The following PPFIA4 variants were observed in gnomAD, a reference collection of about 807,000 sequenced individuals.
PPFIA4 encodes the protein PPFI scaffold protein A4.
Under a neutral mutation model 145.7 loss-of-function variants are expected in PPFIA4, and 98 were observed. The observed-to-expected ratio is 0.67, with a 90% CI of 0.57 to 0.80. The LOEUF (loss-of-function observed/expected upper bound fraction) is 0.80. PPFIA4 is among the 30% of genes least tolerant of loss of function. PPFIA4 has a pLI of 0.00. For synonymous variants in PPFIA4, 628 were observed against 649.6 expected (o/e 0.97, Z 0.51); for missense variants, 1,457 against 1,632.7 (o/e 0.89, Z 1.85).
intron 15 of PPFIA4, 21 bp downstream of exon 15, chr1:203,053,982 C>G (rs1240369591): frequency 3.3e-5 from 51 of 1,553,588 alleles, no homozygotes; most frequent in Non-Finnish European, 4.3e-5. Context: ...GGCTGGAGGG[C>G]TTGGGAAGTG....
At chr1:203,031,891 A>G (rs1019579701) in intron 1 of PPFIA4, among the ~76,000 whole-genome samples, 7 of 152,160 alleles carry the variant, frequency 4.6e-5, no homozygotes, top group Admixed American at 6.5e-5. Context: ...CTGTGTCTGT[A>G]TTCGGTGGTG....
rs1223671646 is a variant in PPFIA4, at chr1:203,044,761, G to T, written c.642G>T (p.Glu214Asp). 6.4e-7 allele frequency: 1 copy of T among 1,565,624 alleles called. No homozygotes were observed. Among genetic ancestry groups the T allele is most frequent in the South Asian group, 1.2e-5 (1 of 85,074 alleles). Residue 214 changes from glutamate to aspartate, a missense_variant, in exon 6 of 30, where the codon GAG (glutamate) becomes GAT (aspartate). Glu to Asp is a conservative substitution (Grantham distance 45). This residue lies in a region of PPFIA4 where 463 missense variants were observed against 459.8 expected (regional missense o/e 1.01). Coordinates refer to ENST00000295706, the MANE Select transcript of PPFIA4 (RefSeq NM_001304331.2). ...DGAAEEEGTV[E>D]LGPKRLWKED... ...CGGCAGAAGAGGAGGGGACTGTGGA[G>T]CTGGGGCCGAAACGCCTGTGGAAGG...
rs1662655922 is a variant in PPFIA4 at position 203,078,053 on chromosome 1, C to T, written c.*1663C>T. 6.6e-6 allele frequency: 1 copy of T among 152,236 alleles called. No homozygotes were observed. The highest frequency in any genetic ancestry group is 1.5e-5 in the Non-Finnish European group (1 of 68,072). The allele number at this position is 152,236 out of a possible 1,614,324, so 9.4% of individuals were successfully genotyped here. A position where few individuals can be genotyped will look rare whatever the true frequency, so the allele number is the denominator to read the frequency against. ...CCTGGGCAGTGCCAGGGCTTAAAGCCCGCTGCTCCTTTTCGGTAGAGGAGA... is the reference window on the plus strand; with the variant it reads ...CCTGGGCAGTGCCAGGGCTTAAAGCTCGCTGCTCCTTTTCGGTAGAGGAGA... On this transcript the variant is annotated 3_prime_UTR_variant, in exon 30 of 30. Coordinates refer to ENST00000295706, the MANE Select transcript of PPFIA4 (RefSeq NM_001304331.2).
intron 28 of PPFIA4, among the ~76,000 whole-genome samples, chr1:203,073,991 C>T (rs1662347427): frequency 6.6e-6 from 1 of 152,052 alleles, no homozygotes; most frequent in Non-Finnish European, 1.5e-5. Context: ...AGGCACTGCT[C>T]AGAGGTTGGT....
intron 8 of PPFIA4, 36 bp from the exon 9 acceptor site, chr1:203,046,212 C>G: frequency 6.4e-7 from 1 of 1,564,928 alleles, no homozygotes; most frequent in Non-Finnish European, 8.7e-7. Context: ...CTTCAGTGCT[C>G]CCTTTTGAAT....
At chr1:203,030,620 C>G (rs1658752576) in intron 1 of PPFIA4, among the ~76,000 whole-genome samples, 1 of 152,208 alleles carries the variant, frequency 6.6e-6, no homozygotes, top group South Asian at 2.1e-4. Context: ...GGCAGAGCCC[C>G]TGGAGTAAGT....
chr1:203,074,957 C>T (rs1662416586), intron 28 of PPFIA4, among the ~76,000 whole-genome samples: 1 of 152,076 alleles, frequency 6.6e-6, no homozygotes. Context: ...CTCATCTGAT[C>T]CCATTAGTGG....
chr1:203,031,097 G>C (rs552903372), intron 1 of PPFIA4, among the ~76,000 whole-genome samples: 3 of 151,744 alleles, frequency 2.0e-5, no homozygotes, highest in Non-Finnish European at 4.4e-5. Flanking sequence ...TCTCCCTATT[G>C]CCCAGGCTGG....
Position 203,049,761 on chromosome 1 carries a change from A to C in PPFIA4, c.1505A>C (p.His502Pro), listed in dbSNP as rs1571694985. ...GGGGGGCCGTTTGTGGATGGCGTCCACTCCAGGTACTGCAGCGCCAGAGGC... is the reference window on the plus strand; with the variant it reads ...GGGGGGCCGTTTGTGGATGGCGTCCCCTCCAGGTACTGCAGCGCCAGAGGC... ...GRGGPFVDGV[H>P]SRSHMGSAAD... Residue 502 changes from histidine to proline, a missense_variant, in exon 13 of 30, where the codon CAC becomes CCC. Transcript: ENST00000295706. 4 of 1,570,412 alleles carry C rather than the reference A, an allele frequency of 2.5e-6. No individual in the cohort carries two copies. The highest frequency in any genetic ancestry group is 3.5e-6 in the Non-Finnish European group (4 of 1,157,930).
In PPFIA4 at chr1:203,064,011, C is replaced by T. The variant is rs145405819; in HGVS notation, c.3050+8C>T. 3.5e-4 allele frequency: 570 copies of T among 1,607,214 alleles called. 1 individual carries two copies. The African/African-American group carries it at 5.4e-3, about 15-fold the overall frequency. ...GGTGGACAGCTTCCATCGGTGAGCG[C>T]GGCTGGGACCCAGGGCCACCTCCCT... On this transcript the variant is annotated splice_region_variant and intron_variant, in intron 25 of 29. Transcript: ENST00000295706.
At position 203,029,044 on chromosome 1, in the gene PPFIA4, C is replaced by G. The variant is rs141339912; in HGVS notation, c.-400+2415C>G. Among the ~76,000 whole-genome samples the G allele has an allele frequency of 6.6e-5, 10 of 152,096 alleles. No homozygotes were observed. The East Asian group carries it at 1.7e-3, about 27-fold the overall frequency. ...CTGTACTGGGAGGGGCCTGAGGCAA[C>G]TGAGAATGTCACAGGGACAGGGCTG... On this transcript the variant is annotated intron_variant, in intron 1 of 29. Transcript: ENST00000295706.
At chr1:203,063,038 A>G (rs1247171615) in intron 24 of PPFIA4, 1 of 152,282 alleles carries the variant, frequency 6.6e-6, no homozygotes, top group Admixed American at 6.5e-5. Flanking sequence ...TGTATCAGCT[A>G]TTACATTGTA....
intron 13 of PPFIA4, among the ~76,000 whole-genome samples, chr1:203,051,019 G>A (rs574754985): frequency 6.6e-6 from 1 of 152,196 alleles, no homozygotes; most frequent in Admixed American, 6.5e-5. Flanking sequence ...ACCTCGTATG[G>A]TCTGTTGTAG....
chr1:203,071,880 C>CA, intron 28 of PPFIA4, 120 bp downstream of exon 28: 1 of 861,780 alleles, frequency 1.2e-6, no homozygotes, highest in Non-Finnish European at 1.9e-6. Context: ...GGAGGAGAGC[C>CA]AGAGGGGATG....
At chr1:203,034,180 GTGT>G (rs1659046825) in intron 1 of PPFIA4, among the ~76,000 whole-genome samples, 1 of 152,228 alleles carries the variant, frequency 6.6e-6, no homozygotes, top group Admixed American at 6.5e-5. Context: ...GGAGGAAGTG[GTGT>G]TTGAGATGAG....
chr1:203,032,177 A>G (rs1316998032), intron 1 of PPFIA4, among the ~76,000 whole-genome samples: 2 of 152,154 alleles, frequency 1.3e-5, no homozygotes, highest in Non-Finnish European at 2.9e-5. Context: ...GATGTCCCAT[A>G]AAACGGACAG....
intron 13 of PPFIA4, among the ~76,000 whole-genome samples, chr1:203,050,459 C>T (rs1660425682): frequency 6.6e-6 from 1 of 152,152 alleles, no homozygotes; most frequent in African/African-American, 2.4e-5. Context: ...ATGGATGGTG[C>T]CACTCAAGGT....
chr1:203,046,038 T>G, intron 8 of PPFIA4, 51 bp downstream of exon 8: 1 of 1,609,292 alleles, frequency 6.2e-7, no homozygotes, highest in Non-Finnish European at 8.5e-7. Context: ...GCCCTGGAGG[T>G]GTCCTCGTGA....
intron 2 of PPFIA4, among the ~76,000 whole-genome samples, chr1:203,040,505 CT>C (rs1659626119): frequency 6.6e-6 from 1 of 152,154 alleles, no homozygotes; most frequent in Non-Finnish European, 1.5e-5. Flanking sequence ...AGGTGGGGAC[CT>C]CCTCTTTCAC....
Sources: allele counts gnomAD v4.1 joint callset (sites outside exome capture counted in the v4.1 genomes callset), GRCh38; gene constraint gnomAD v4.1.1; regional missense constraint gnomAD v4.1.1; transcripts MANE v1.5; gene names NCBI Gene and HGNC (gene_info 2026-07-23, HGNC 2026-07-21).